The following ZNF571 variants were observed in gnomAD, a reference collection of about 807,000 sequenced individuals.
ZNF571 encodes zinc finger protein 571.
ZNF571 carries 4 observed loss-of-function variants against 7.7 expected under a neutral mutation model. That is an observed-to-expected ratio of 0.52 (90% CI 0.25 to 1.18). The LOEUF is 1.18. Ranked by LOEUF, ZNF571 falls within the 50% of genes most tolerant of loss-of-function variation. The pLI is 0.14. For missense variants in ZNF571, 704 were observed against 726.9 expected, an observed-to-expected ratio of 0.97 and a Z score of 0.36; for synonymous variants, 251 against 232.4, an observed-to-expected ratio of 1.08 and a Z score of -0.73.
At chr19:37,587,032 CT>C (rs2043698916) in intron 1 of ZNF571, 1 of 249,886 alleles carries the variant, frequency 4.0e-6, no homozygotes, top group East Asian at 8.1e-5. Context: ...GACCCAAACA[CT>C]AAGTCAGGTA....
chr19:37,572,362 A>G (rs2043091731), intron 3 of ZNF571, among the ~76,000 whole-genome samples: 2 of 152,232 alleles, frequency 1.3e-5, no homozygotes, highest in South Asian at 4.1e-4. Flanking sequence ...TAAGTTTTAA[A>G]CTGTGTGCCA....
chr19:37,566,343 A>C, intron 3 of ZNF571, 52 bp from the exon 4 acceptor site: 1 of 1,532,104 alleles, frequency 6.5e-7, no homozygotes, highest in Non-Finnish European at 8.7e-7. Context: ...AGGAGAAATA[A>C]AAATTCTATG....
intron 3 of ZNF571, among the ~76,000 whole-genome samples, chr19:37,576,655 CAA>C (rs1486481003): frequency 1.3e-5 from 2 of 151,970 alleles, no homozygotes; most frequent in African/African-American, 4.8e-5. Flanking sequence ...AGATTATAAA[CAA>C]AGTTATACCT....
At position 37,564,454 on chromosome 19, in the gene ZNF571, G is replaced by T; in HGVS notation, c.*144C>A. 1 of 589,254 alleles carries T rather than the reference G, an allele frequency of 1.7e-6. No homozygotes were observed. Among genetic ancestry groups the T allele is most frequent in the East Asian group, 3.1e-5 (1 of 32,060 alleles). The allele number at this position is 589,254 out of a possible 1,614,324, so 36.5% of individuals were successfully genotyped here. ...TAGAGATGTTAAGGAATTATTTAAG[G>T]GGTTTCTGAAATTATTCTGCATCCA... is the stretch of plus-strand genomic sequence containing the variant. On this transcript the variant is annotated 3_prime_UTR_variant, in exon 4 of 4. Coordinates refer to ENST00000451802, the MANE Select transcript of ZNF571 (RefSeq NM_016536.5).
At chr19:37,575,254 C>T (rs1228266703) in intron 3 of ZNF571, among the ~76,000 whole-genome samples, 1 of 152,202 alleles carries the variant, frequency 6.6e-6, no homozygotes, top group African/African-American at 2.4e-5. Flanking sequence ...TGTACTAGTA[C>T]TATTATGCTT....
At chr19:37,585,037 G>T (rs2043619840) in intron 2 of ZNF571, 1 of 151,778 alleles carries the variant, frequency 6.6e-6, no homozygotes, top group Admixed American at 6.6e-5. Flanking sequence ...ATTCTTGAGA[G>T]TATGCATCTG....
intron 3 of ZNF571, among the ~76,000 whole-genome samples, chr19:37,568,326 C>CG (rs397961652): frequency 1.3e-5 from 2 of 150,626 alleles, no homozygotes; most frequent in Admixed American, 6.6e-5. Flanking sequence ...TACCCCCCCC[C>CG]ACTTGCCATA....
chr19:37,569,963 A>G lies in ZNF571; in HGVS notation c.137-3672T>C, dbSNP rs1489580620. The G allele has an allele frequency of 6.6e-6, 1 of 152,008 alleles. No individual in the cohort carries two copies. The highest frequency in any genetic ancestry group is 6.6e-5 in the Admixed American group (1 of 15,234). The allele number at this position is 152,008 out of a possible 1,614,324, so 9.4% of individuals were successfully genotyped here. A position where few individuals can be genotyped will look rare whatever the true frequency, so the allele number is the denominator to read the frequency against. On this transcript the variant is annotated intron_variant, in intron 3 of 3. Transcript: ENST00000451802. The surrounding 1 kb of genome is among the most constrained non-coding windows in gnomAD (Gnocchi z 4.4). ...CTTCTGTAAGACAGCCACTCCACCC[A>G]CTGCAGTCTACAAGGAAAGCCTCCA...
chr19:37,593,367 ACT>A lies in ZNF571; in HGVS notation c.-70+1372_-70+1373del, dbSNP rs1204914454. 2.0e-5 allele frequency among the ~76,000 whole-genome samples: 3 copies of A among 152,050 alleles called. No individual in the cohort carries two copies. The East Asian group carries it at 5.8e-4, about 29-fold the overall frequency. On this transcript the variant is annotated intron_variant, in intron 1 of 3. Transcript: ENST00000451802. ...TCCACAATAAAGTTAAAATTTTAAA[ACT>A]CTTCAAATTTCCCCCAGAAAGTACA...
intron 1 of ZNF571, among the ~76,000 whole-genome samples, chr19:37,588,993 A>G (rs1454745171): frequency 6.6e-6 from 1 of 152,164 alleles, no homozygotes; most frequent in African/African-American, 2.4e-5. Flanking sequence ...TGAGGTCAGC[A>G]GTTCACCGTC....
intron 2 of ZNF571, among the ~76,000 whole-genome samples, chr19:37,584,585 C>T (rs1383748752): frequency 1.3e-5 from 2 of 152,048 alleles, no homozygotes; most frequent in Non-Finnish European, 2.9e-5. Flanking sequence ...TCAGATTCAT[C>T]AAGTTATATT....
rs2042792013 is a variant in ZNF571, at chr19:37,564,900, C to T, written c.1528G>A (p.Ala510Thr). 6.2e-7 allele frequency: 1 copy of T among 1,614,016 alleles called. No homozygotes were observed. Among genetic ancestry groups the T allele is most frequent in the South Asian group, 1.1e-5 (1 of 91,080 alleles). ...KPYKCKECDK[A>T]FIYGSQLSEH... The stretch of plus-strand genomic sequence containing the variant: ...CTAAGTTGTGAGCCATAAATAAAGG[C>T]CTTGTCACATTCCTTACATTTGTAG... Residue 510 changes from alanine to threonine, a missense_variant, in exon 4 of 4, where the codon GCC becomes ACC. Coordinates refer to ENST00000451802, the MANE Select transcript of ZNF571 (RefSeq NM_016536.5).
intron 1 of ZNF571, among the ~76,000 whole-genome samples, chr19:37,588,624 G>C (rs2043765493): frequency 6.6e-6 from 1 of 152,062 alleles, no homozygotes; most frequent in Admixed American, 6.6e-5. Flanking sequence ...TCACTACCTG[G>C]GTGACTGGAT....
chr19:37,594,255 T>G (rs1168959898), intron 1 of ZNF571: 1 of 152,198 alleles, frequency 6.6e-6, no homozygotes, highest in African/African-American at 2.4e-5. Flanking sequence ...AACCGCACGA[T>G]TCTCAGCTGG....
At chr19:37,591,578 CTT>C (rs986113376) in intron 1 of ZNF571, among the ~76,000 whole-genome samples, 2 of 152,196 alleles carry the variant, frequency 1.3e-5, no homozygotes, top group Non-Finnish European at 2.9e-5. Context: ...GAGTTTCACT[CTT>C]GTTGCCCAGG....
At chr19:37,579,868 C>A (rs1235409746) in intron 3 of ZNF571, among the ~76,000 whole-genome samples, 2 of 151,998 alleles carry the variant, frequency 1.3e-5, no homozygotes, top group Admixed American at 1.3e-4. Context: ...CAATTTTAGG[C>A]CAACATTTAT....
chr19:37,569,293 G>A lies in ZNF571; in HGVS notation c.137-3002C>T, dbSNP rs1319153865. On this transcript the variant is annotated intron_variant, in intron 3 of 3. Transcript: ENST00000451802. The surrounding 1 kb of genome is among the most constrained non-coding windows in gnomAD (Gnocchi z 4.4). ...CCACAACAAAAACCTACTCAGTAAT[G>A]TTATGAGACCCTTTGTTCTAATCTC... Among the ~76,000 whole-genome samples, 2 of 152,014 alleles carry A rather than the reference G, an allele frequency of 1.3e-5. No individual in the cohort carries two copies. Among genetic ancestry groups the A allele is most frequent in the African/African-American group, 2.4e-5 (1 of 41,378 alleles).
At position 37,594,749 on chromosome 19, in the gene ZNF571, C is replaced by G. The variant is rs2043968943; in HGVS notation, c.-78G>C. The G allele has an allele frequency of 1.3e-5, 2 of 152,238 alleles. No homozygotes were observed. Among genetic ancestry groups the G allele is most frequent in the African/African-American group, 2.4e-5 (1 of 41,428 alleles). 9.4% of individuals were successfully genotyped at this position (152,238 alleles called of 1,614,324 possible). ...TGAGGCCGCCCACTCACCTGGCCGG[C>G]GCAGACAAGCTCCGTGCGTCAAGAC... On this transcript the variant is annotated 5_prime_UTR_variant, in exon 1 of 4. Transcript: ENST00000451802.
At chr19:37,576,372 A>G (rs1293721777) in intron 3 of ZNF571, among the ~76,000 whole-genome samples, 2 of 152,214 alleles carry the variant, frequency 1.3e-5, no homozygotes, top group Non-Finnish European at 2.9e-5. Context: ...ACTTGCAACT[A>G]TCTGCATTCT....
Sources: allele counts gnomAD v4.1 joint callset (sites outside exome capture counted in the v4.1 genomes callset), GRCh38; gene constraint gnomAD v4.1.1; non-coding constraint Gnocchi (gnomAD v3.1); transcripts MANE v1.5; gene names NCBI Gene and HGNC (gene_info 2026-07-23, HGNC 2026-07-21).